The following MEF2C variants were observed in gnomAD, a reference collection of about 807,000 sequenced individuals.
MEF2C encodes myocyte enhancer factor 2C.
MEF2C carries 6 observed loss-of-function variants against 50.5 expected under a neutral mutation model. That is an observed-to-expected ratio of 0.12 (90% confidence interval 0.07 to 0.23). The LOEUF (loss-of-function observed/expected upper bound fraction) is 0.23. Among genes scored for constraint, MEF2C ranks in the 10% least tolerant of loss-of-function variants. MEF2C has a pLI of 1.00. For missense variants in MEF2C, 276 were observed against 605.0 expected (o/e 0.46, Z 5.70); for synonymous variants, 183 against 228.0 (o/e 0.80, Z 1.78).
At chr5:88,751,654 C>T (rs534813374) in intron 5 of MEF2C, among the ~76,000 whole-genome samples, 7 of 152,062 alleles carry the variant, frequency 4.6e-5, no homozygotes, top group South Asian at 2.1e-4. Context: ...AAAAGATAAA[C>T]GGCAGATTAT....
intron 4 of MEF2C, among the ~76,000 whole-genome samples, chr5:88,757,268 A>C (rs1775784120): frequency 6.6e-6 from 1 of 152,216 alleles, no homozygotes; most frequent in Non-Finnish European, 1.5e-5. Flanking sequence ...AAATCAAATA[A>C]AATAGTTAAA....
At chr5:88,786,386 G>A (rs1442516190) in intron 3 of MEF2C, among the ~76,000 whole-genome samples, 1 of 152,176 alleles carries the variant, frequency 6.6e-6, no homozygotes, top group Non-Finnish European at 1.5e-5. Flanking sequence ...TGATTAGGTT[G>A]TAAGAATGTT....
chr5:88,753,447 G>A (rs1580122709), intron 4 of MEF2C, among the ~76,000 whole-genome samples: 1 of 152,170 alleles, frequency 6.6e-6, no homozygotes, highest in South Asian at 2.1e-4. Context: ...TTAGGCTGGA[G>A]TGCAGTGGTG....
chr5:88,794,896 G>T (rs1441897084), intron 3 of MEF2C, among the ~76,000 whole-genome samples: 3 of 152,160 alleles, frequency 2.0e-5, no homozygotes, highest in Non-Finnish European at 4.4e-5. Flanking sequence ...TTATTAAATA[G>T]AGAATCGTTT....
chr5:88,843,334 A>G, intron 1 of MEF2C: 2 of 983,504 alleles, frequency 2.0e-6, no homozygotes, highest in Non-Finnish European at 2.4e-6. Flanking sequence ...TTTGTGTGTT[A>G]TTTAAATTTG....
intron 3 of MEF2C, among the ~76,000 whole-genome samples, chr5:88,800,516 A>G (rs1797910819): frequency 6.6e-6 from 1 of 152,224 alleles, no homozygotes; most frequent in Non-Finnish European, 1.5e-5. Flanking sequence ...AATGGGCTGT[A>G]AGCATGTCCT....
chr5:88,737,878 G>C (rs1764764274), intron 6 of MEF2C: 1 of 985,032 alleles, frequency 1.0e-6, no homozygotes, highest in Admixed American at 6.2e-5. Context: ...TCTAGAAAAT[G>C]AGTGCCTAAG....
chr5:88,836,299 A>G (rs888087709), intron 1 of MEF2C, among the ~76,000 whole-genome samples: 3 of 151,918 alleles, frequency 2.0e-5, no homozygotes, highest in African/African-American at 7.3e-5. Flanking sequence ...GTGCTAACCA[A>G]TATTTCACAT....
In MEF2C at chr5:88,793,438, T is replaced by C. The variant is rs147280475; in HGVS notation, c.258+11160A>G. 4.3e-3 allele frequency among the ~76,000 whole-genome samples: 648 copies of C among 152,222 alleles called. 3 individuals carry two copies. The highest frequency in any genetic ancestry group is 0.014 in the African/African-American group (580 of 41,536). ...TGGCCTTGTGAGCCAACTTAAGGAC[T>C]GAGAGTCCTTGAGGGACCTTGGTTA... On this transcript the variant is annotated intron_variant, in intron 3 of 10. Coordinates refer to ENST00000504921, the MANE Select transcript of MEF2C (RefSeq NM_002397.5).
chr5:88,806,270 T>G (rs1800409286), intron 2 of MEF2C, among the ~76,000 whole-genome samples: 1 of 152,148 alleles, frequency 6.6e-6, no homozygotes, highest in African/African-American at 2.4e-5. Flanking sequence ...GCCAGCTCAT[T>G]TTATCACAGA....
Position 88,722,594 on chromosome 5 carries a change from A to G in MEF2C, c.*10T>C, listed in dbSNP as rs1756696573. ...AAGAAAAAAAAAAAAACTAGTAAGT[A>G]ATAATCTGATCATGTTGCCCATCCT... On this transcript the variant is annotated 3_prime_UTR_variant, in exon 11 of 11. Transcript: ENST00000504921. 6.2e-7 allele frequency: 1 copy of G among 1,605,780 alleles called. No individual in the cohort carries two copies. Among genetic ancestry groups the G allele is most frequent in the Non-Finnish European group, 8.5e-7 (1 of 1,175,542 alleles).
intron 3 of MEF2C, among the ~76,000 whole-genome samples, chr5:88,792,111 A>G (rs1024597002): frequency 6.6e-6 from 1 of 152,148 alleles, no homozygotes; most frequent in African/African-American, 2.4e-5. Context: ...TTTTATAATG[A>G]AAAATACTTT....
In MEF2C at chr5:88,747,303, T is replaced by C. The variant is rs998085532; in HGVS notation, c.637+1767A>G. 6.2e-4 allele frequency among the ~76,000 whole-genome samples: 93 copies of C among 150,972 alleles called. 1 individual carries two copies. The highest frequency in any genetic ancestry group is 3.4e-3 in the Middle Eastern group (1 of 290). Reference sequence around the variant, plus strand: ...TTCCATCAAAGCTGAGTAGGCCATGTTTTCCTCCACATTTTTTTTTTTTTT... The same window carrying C: ...TTCCATCAAAGCTGAGTAGGCCATGCTTTCCTCCACATTTTTTTTTTTTTT... On this transcript the variant is annotated intron_variant, in intron 6 of 10. Transcript: ENST00000504921.
intron 2 of MEF2C, among the ~76,000 whole-genome samples, chr5:88,818,809 C>G (rs574444326): frequency 1.3e-5 from 2 of 151,916 alleles, no homozygotes; most frequent in Non-Finnish European, 2.9e-5. Flanking sequence ...AAATAAAACC[C>G]TCATGAAATG....
At chr5:88,835,477 C>A (rs57303376) in intron 1 of MEF2C, among the ~76,000 whole-genome samples, 4,629 of 151,970 alleles carry the variant, frequency 0.03, 240 homozygotes, top group African/African-American at 0.11. Flanking sequence ...AATGAATAGA[C>A]AAATTGAATT....
chr5:88,804,437 A>T, intron 3 of MEF2C, 161 bp downstream of exon 3: 1 of 612,606 alleles, frequency 1.6e-6, no homozygotes, highest in Non-Finnish European at 2.9e-6. Flanking sequence ...GGGAGAGAAA[A>T]GGTGGAGTAA....
intron 1 of MEF2C, among the ~76,000 whole-genome samples, chr5:88,848,916 G>A (rs1364652209): frequency 6.6e-6 from 1 of 152,108 alleles, no homozygotes; most frequent in Non-Finnish European, 1.5e-5. Context: ...ACTTTGGGAT[G>A]CCGAGGCAGG....
intron 2 of MEF2C, among the ~76,000 whole-genome samples, chr5:88,813,048 C>G (rs1803563518): frequency 6.6e-6 from 1 of 151,928 alleles, no homozygotes; most frequent in African/African-American, 2.4e-5. Flanking sequence ...ATACTAAGAA[C>G]ACTAAATTGA....
At chr5:88,821,424 AT>A (rs1051755393) in intron 2 of MEF2C, among the ~76,000 whole-genome samples, 31 of 151,022 alleles carry the variant, frequency 2.1e-4, no homozygotes, top group East Asian at 2.0e-3. Flanking sequence ...CACCCAGTTA[AT>A]TTTTTTTTAA....
Sources: allele counts gnomAD v4.1 joint callset (sites outside exome capture counted in the v4.1 genomes callset), GRCh38; gene constraint gnomAD v4.1.1; transcripts MANE v1.5; gene names NCBI Gene and HGNC (gene_info 2026-07-23, HGNC 2026-07-21).